KLF12: variants seen among roughly 807,000 people sequenced by gnomAD.
The protein encoded by KLF12 is KLF transcription factor 12, also known as Krueppel-like factor 12.
Under a neutral mutation model 37.8 loss-of-function variants are expected in KLF12, and 9 were observed. The ratio of observed to expected loss-of-function variants is 0.24; its 90% CI spans 0.14 to 0.42. KLF12 has a LOEUF of 0.42. KLF12 is among the 10% of genes least tolerant of loss of function. The pLI, the probability that KLF12 is intolerant of heterozygous loss-of-function variation, is 1.00. For synonymous variants in KLF12, 208 were observed against 202.1 expected (o/e 1.03, Z -0.25); for missense variants, 411 against 516.0 (o/e 0.80, Z 1.97).
the KLF12 span, among the ~76,000 whole-genome samples, chr13:74,153,206 A>G: frequency 6.6e-6 from 1 of 152,120 alleles, no homozygotes; most frequent in South Asian, 2.1e-4. Context: ...CAGTTTTTGT[A>G]TTCCCCATTC....
At chr13:74,245,970 T>C in the KLF12 span, among the ~76,000 whole-genome samples, 2 of 152,228 alleles carry the variant, frequency 1.3e-5, no homozygotes, top group Admixed American at 6.5e-5. Context: ...CAGACACTAG[T>C]AGAAGGGTTA....
intron 1 of KLF12, among the ~76,000 whole-genome samples, chr13:74,086,304 T>C (rs1875293293): frequency 7.8e-6 from 1 of 128,152 alleles, no homozygotes; most frequent in African/African-American, 2.9e-5. Flanking sequence ...GAGTGTGATG[T>C]TCCCCTTCCT....
chr13:74,287,904 G>A, the KLF12 span, among the ~76,000 whole-genome samples: 1 of 152,122 alleles, frequency 6.6e-6, no homozygotes, highest in African/African-American at 2.4e-5. Flanking sequence ...CTGCGTAAGT[G>A]GTTTTGCATA....
chr13:73,820,299 G>C (rs566884515), intron 4 of KLF12, among the ~76,000 whole-genome samples: 3 of 152,052 alleles, frequency 2.0e-5, no homozygotes, highest in Non-Finnish European at 4.4e-5. Flanking sequence ...TCAGGACTTG[G>C]TTACATCAAG....
rs1555268941 is a variant in KLF12 at position 74,065,224 on chromosome 13, A to ACATATG, written c.-32+68514_-32+68515insCATATG. Among the ~76,000 whole-genome samples the ACATATG allele has an allele frequency of 8.4e-4, 27 of 32,228 alleles. No individual in the cohort carries two copies. The East Asian group carries it at 0.16, about 193-fold the overall frequency. The allele number at this position is 32,228 out of a possible 152,430, so 21.1% of individuals were successfully genotyped here. ...CTTACACACACACACACACACACAC[A>ACATATG]TGTATATATATATATACACACTGTA... On this transcript the variant is annotated intron_variant, in intron 1 of 7. Transcript: ENST00000377669.
intron 3 of KLF12, among the ~76,000 whole-genome samples, chr13:73,894,095 T>C (rs1566443150): frequency 6.6e-6 from 1 of 152,176 alleles, no homozygotes; most frequent in Admixed American, 6.5e-5. Context: ...CCCACTCCTT[T>C]AGCCTTTGTA....
chr13:73,893,521 A>G (rs946359250), intron 3 of KLF12, among the ~76,000 whole-genome samples: 7 of 151,856 alleles, frequency 4.6e-5, no homozygotes, highest in African/African-American at 1.7e-4. Flanking sequence ...AGCTAGGACT[A>G]TAGGAGCGCG....
intron 3 of KLF12, among the ~76,000 whole-genome samples, chr13:73,861,987 A>C (rs1486356259): frequency 1.3e-5 from 2 of 152,014 alleles, no homozygotes; most frequent in African/African-American, 4.8e-5. Flanking sequence ...TTCATATTAT[A>C]AGTATTAATT....
At chr13:73,752,622 C>T (rs188852866) in intron 6 of KLF12, among the ~76,000 whole-genome samples, 2 of 152,234 alleles carry the variant, frequency 1.3e-5, no homozygotes, top group South Asian at 2.1e-4. Flanking sequence ...CTAGTTGCAT[C>T]CACTTCTCTC....
At chr13:73,886,576 G>C (rs986875758) in intron 3 of KLF12, among the ~76,000 whole-genome samples, 16 of 152,150 alleles carry the variant, frequency 1.1e-4, no homozygotes, top group African/African-American at 3.9e-4. Flanking sequence ...CATGGTACAC[G>C]TTAACCTATG....
At chr13:73,748,745 T>C (rs1458664463) in intron 6 of KLF12, among the ~76,000 whole-genome samples, 3 of 152,172 alleles carry the variant, frequency 2.0e-5, no homozygotes, top group African/African-American at 4.8e-5. Flanking sequence ...CTGGGAGATA[T>C]ATTTTTGTTG....
the KLF12 span, among the ~76,000 whole-genome samples, chr13:74,293,888 G>C: frequency 6.6e-6 from 1 of 152,192 alleles, no homozygotes; most frequent in South Asian, 2.1e-4. Flanking sequence ...GCTCTTAAAA[G>C]TGTATAGAGT....
intron 3 of KLF12, among the ~76,000 whole-genome samples, chr13:73,941,156 T>G (rs924103015): frequency 6.6e-6 from 1 of 152,238 alleles, no homozygotes; most frequent in African/African-American, 2.4e-5. Context: ...TTCCAACCAA[T>G]GTACCACCTT....
At chr13:73,878,009 A>G (rs1412710265) in intron 3 of KLF12, among the ~76,000 whole-genome samples, 1 of 152,150 alleles carries the variant, frequency 6.6e-6, no homozygotes, top group Non-Finnish European at 1.5e-5. Flanking sequence ...ATGTTTATAT[A>G]GTTAATACAT....
intron 1 of KLF12, among the ~76,000 whole-genome samples, chr13:74,081,528 C>T (rs115247858): frequency 6.6e-6 from 1 of 152,086 alleles, no homozygotes; most frequent in African/African-American, 2.4e-5. Flanking sequence ...TCACATGGTA[C>T]TAAGCAATCA....
intron 6 of KLF12, among the ~76,000 whole-genome samples, chr13:73,742,780 C>T (rs974011797): frequency 1.3e-5 from 2 of 152,184 alleles, no homozygotes; most frequent in Non-Finnish European, 2.9e-5. Flanking sequence ...ACTACATCAA[C>T]CGCACAGTGC....
intron 2 of KLF12, among the ~76,000 whole-genome samples, chr13:73,981,271 A>G (rs1891682183): frequency 6.6e-6 from 1 of 152,198 alleles, no homozygotes; most frequent in African/African-American, 2.4e-5. Flanking sequence ...TTCTGGGTAT[A>G]TATTCCAGAG....
intron 2 of KLF12, among the ~76,000 whole-genome samples, chr13:73,953,679 G>C (rs1890722316): frequency 6.6e-6 from 1 of 152,110 alleles, no homozygotes; most frequent in South Asian, 2.1e-4. Flanking sequence ...ACCTTTTCTT[G>C]TGTACAATGA....
chr13:74,042,374 C>T (rs796530131), intron 1 of KLF12, among the ~76,000 whole-genome samples: 6 of 151,820 alleles, frequency 4.0e-5, no homozygotes, highest in African/African-American at 1.5e-4. Flanking sequence ...TAGATAAGGT[C>T]ACACGTGCAT....
Sources: gnomAD v4.1 joint callset for allele counts (sites outside exome capture counted in the v4.1 genomes callset) on GRCh38, gnomAD v4.1.1 for gene constraint, MANE v1.5 for transcripts, NCBI Gene and HGNC (gene_info 2026-07-23, HGNC 2026-07-21) for gene names.